The following SNTG2 variants were observed in gnomAD, a reference collection of about 807,000 sequenced individuals.
SNTG2 encodes gamma-2-syntrophin.
Under a neutral mutation model 70.9 loss-of-function variants are expected in SNTG2, and 74 were observed. That is an observed-to-expected ratio of 1.04 (90% CI 0.86 to 1.27). The LOEUF is 1.27. Among genes scored for constraint, SNTG2 ranks in the 50% most tolerant of loss-of-function variants. The probability of loss-of-function intolerance (pLI) is 0.00; values close to 1 mark genes in which losing one functional copy is unlikely to be tolerated. For synonymous variants in SNTG2, 278 were observed against 273.8 expected, an observed-to-expected ratio of 1.02 and a Z score of -0.15; for missense variants, 717 against 690.7, an observed-to-expected ratio of 1.04 and a Z score of -0.43.
chr2:1,017,467 CAA>C (rs1193401464), intron 1 of SNTG2, among the ~76,000 whole-genome samples: 3 of 152,150 alleles, frequency 2.0e-5, no homozygotes, highest in South Asian at 2.1e-4. Context: ...AACATGCAAA[CAA>C]ATGCACATGC....
chr2:1,192,388 T>C (rs1672649944), intron 8 of SNTG2, among the ~76,000 whole-genome samples: 1 of 152,232 alleles, frequency 6.6e-6, no homozygotes, highest in Non-Finnish European at 1.5e-5. Flanking sequence ...GGGTGTTCCC[T>C]AGCCAGTGCT....
At chr2:1,141,794 G>C (rs1000559724) in intron 6 of SNTG2, among the ~76,000 whole-genome samples, 1 of 152,088 alleles carries the variant, frequency 6.6e-6, no homozygotes, top group African/African-American at 2.4e-5. Flanking sequence ...ACTCAGGGGA[G>C]TTAAAGAGCC....
At chr2:1,329,817 G>A (rs1659427539) in intron 16 of SNTG2, among the ~76,000 whole-genome samples, 1 of 152,120 alleles carries the variant, frequency 6.6e-6, no homozygotes, top group Non-Finnish European at 1.5e-5. Flanking sequence ...GGGAGGCCTC[G>A]GAAGTTTTTC....
chr2:1,188,934 C>T lies in SNTG2; in HGVS notation c.591+15751C>T, dbSNP rs532395301. Among the ~76,000 whole-genome samples the T allele has an allele frequency of 3.2e-4, 49 of 152,086 alleles. No homozygotes were observed. In the South Asian group the frequency reaches 4.6e-3, roughly 14 times the overall value. On this transcript the variant is annotated intron_variant, in intron 8 of 16. Transcript: ENST00000308624. The stretch of plus-strand genomic sequence containing the variant: ...ATCAAAAATAAGACAAAGATACCTA[C>T]GTTATTTATTGTGAAAGAAATATTG...
At chr2:1,313,555 G>A (rs1220932024) in intron 15 of SNTG2, among the ~76,000 whole-genome samples, 2 of 152,250 alleles carry the variant, frequency 1.3e-5, no homozygotes, top group Non-Finnish European at 2.9e-5. Context: ...CATAAAGTGT[G>A]CAGAAATGCC....
chr2:1,083,655 T>C lies in SNTG2; in HGVS notation c.210T>C (p.Asn70=), dbSNP rs750407676. ...TGGGCGGAAGCCACCAGGGCAGGAA[T>C]GTAAGTGCCATCACTTCAGGGAAGT... ...VCVGGSHQGR[N]RRTVTLRRQP... Residue 70 remains asparagine, a splice_region_variant and synonymous_variant, in exon 2 of 17, where the codon AAT becomes AAC. Transcript: ENST00000308624. The C allele has an allele frequency of 4.3e-6, 7 of 1,613,616 alleles. No homozygotes were observed. In the African/African-American group the frequency reaches 6.7e-5, roughly 15 times the overall value.
chr2:1,334,839 G>A (rs1659718838), intron 16 of SNTG2, among the ~76,000 whole-genome samples: 1 of 152,176 alleles, frequency 6.6e-6, no homozygotes, highest in African/African-American at 2.4e-5. Flanking sequence ...TGGGTATAGT[G>A]TACACTGCAT....
chr2:1,089,031 G>A (rs1487981800), intron 2 of SNTG2, among the ~76,000 whole-genome samples: 3 of 152,236 alleles, frequency 2.0e-5, no homozygotes, highest in Non-Finnish European at 4.4e-5. Flanking sequence ...CACAGGTACG[G>A]GGCTGAAGGC....
At chr2:1,366,051 AGC>A (rs5828814) in intron 16 of SNTG2, among the ~76,000 whole-genome samples, 109,400 of 151,712 alleles carry the variant, frequency 0.72, 39,739 homozygotes, top group East Asian at 0.94. Context: ...GACAGGCCTT[AGC>A]GTTGCTCTTC....
At chr2:965,148 GT>G (rs1160787501) in intron 1 of SNTG2, among the ~76,000 whole-genome samples, 50 of 145,958 alleles carry the variant, frequency 3.4e-4, no homozygotes, top group Middle Eastern at 3.8e-3. Flanking sequence ...CCTCCTCCTG[GT>G]CCCCAGTCCT....
At chr2:1,231,172 C>T (rs1240163171) in intron 9 of SNTG2, among the ~76,000 whole-genome samples, 7 of 151,838 alleles carry the variant, frequency 4.6e-5, no homozygotes, top group East Asian at 3.9e-4. Flanking sequence ...ATGACAGTGC[C>T]TCTTCCATAG....
intron 2 of SNTG2, among the ~76,000 whole-genome samples, chr2:1,092,491 A>C (rs991521218): frequency 6.6e-6 from 1 of 152,250 alleles, no homozygotes. Flanking sequence ...GCCATGGTAC[A>C]GGCGCAGTGT....
At chr2:1,186,254 C>T (rs1672244535) in intron 8 of SNTG2, among the ~76,000 whole-genome samples, 1 of 152,222 alleles carries the variant, frequency 6.6e-6, no homozygotes, top group African/African-American at 2.4e-5. Context: ...ACTTCATTCA[C>T]TATCAGCATT....
chr2:1,119,624 A>G (rs566703937), intron 4 of SNTG2, among the ~76,000 whole-genome samples: 12 of 151,398 alleles, frequency 7.9e-5, no homozygotes, highest in South Asian at 2.1e-4. Context: ...GATATTTTAC[A>G]TAAGCTTCAT....
intron 15 of SNTG2, among the ~76,000 whole-genome samples, chr2:1,313,361 G>C (rs1681104332): frequency 6.6e-6 from 1 of 152,148 alleles, no homozygotes; most frequent in African/African-American, 2.4e-5. Context: ...CGGGAGGATG[G>C]GTCCACCCAA....
rs79773802 is a variant in SNTG2 at position 1,002,416 on chromosome 2, C to A, written c.72+51348C>A. Among the ~76,000 whole-genome samples the A allele has an allele frequency of 3.6e-3, 552 of 152,040 alleles. 3 individuals are homozygous for A. Among genetic ancestry groups the A allele is most frequent in the African/African-American group, 0.013 (536 of 41,502 alleles). The stretch of plus-strand genomic sequence containing the variant: ...CAAAAAACTCAATAACAAAAGCAAC[C>A]ACTTAAAAGTAGGCAAAAGTAGGCA... On this transcript the variant is annotated intron_variant, in intron 1 of 16. Coordinates refer to ENST00000308624, the MANE Select transcript of SNTG2 (RefSeq NM_018968.4).
intron 14 of SNTG2, among the ~76,000 whole-genome samples, chr2:1,283,983 G>T (rs945241381): frequency 6.6e-6 from 1 of 152,126 alleles, no homozygotes; most frequent in Non-Finnish European, 1.5e-5. Flanking sequence ...GTACCTCACG[G>T]TAGATATTTG....
At chr2:1,051,857 T>C (rs990395307) in intron 1 of SNTG2, among the ~76,000 whole-genome samples, 5 of 152,258 alleles carry the variant, frequency 3.3e-5, no homozygotes, top group African/African-American at 1.2e-4. Context: ...AGCTGGGCTC[T>C]CACAGAATCC....
intron 6 of SNTG2, among the ~76,000 whole-genome samples, chr2:1,145,328 T>C (rs1174222966): frequency 6.6e-6 from 1 of 152,144 alleles, no homozygotes; most frequent in African/African-American, 2.4e-5. Context: ...AATAAACTTA[T>C]AAGCCAATAG....
Sources: allele counts gnomAD v4.1 joint callset (sites outside exome capture counted in the v4.1 genomes callset), GRCh38; gene constraint gnomAD v4.1.1; transcripts MANE v1.5; gene names NCBI Gene and HGNC (gene_info 2026-07-23, HGNC 2026-07-21).